SAMMSON: variants seen among roughly 807,000 people sequenced by gnomAD.
SAMMSON encodes the protein long intergenic non-protein coding RNA 1212.
intron 6 of SAMMSON, among the ~76,000 whole-genome samples, chr3:70,260,263 C>T (rs756625331): frequency 3.3e-5 from 5 of 152,164 alleles, no homozygotes; most frequent in Non-Finnish European, 5.9e-5. Context: ...CCTTTGTCAT[C>T]GTACGGCATT....
At chr3:70,186,603 C>A (rs1333669782) in intron 4 of SAMMSON, among the ~76,000 whole-genome samples, 2 of 151,886 alleles carry the variant, frequency 1.3e-5, no homozygotes, top group Non-Finnish European at 2.9e-5. Context: ...TGAAAGGTTA[C>A]CTAATAGTTG....
chr3:70,247,961 A>G (rs1258299438), intron 4 of SAMMSON, among the ~76,000 whole-genome samples: 1 of 152,092 alleles, frequency 6.6e-6, no homozygotes, highest in Non-Finnish European at 1.5e-5. Context: ...TCACAAATAA[A>G]GTAGAATTTA....
At chr3:70,327,248 C>T (rs184958652) in intron 7 of SAMMSON, among the ~76,000 whole-genome samples, 63 of 152,266 alleles carry the variant, frequency 4.1e-4, no homozygotes, top group South Asian at 3.3e-3. Context: ...TAAGAAGAAC[C>T]GATTTGCTTT....
chr3:70,031,221 A>T (rs1188442219), intron 3 of SAMMSON, among the ~76,000 whole-genome samples: 1 of 152,226 alleles, frequency 6.6e-6, no homozygotes, highest in East Asian at 1.9e-4. Flanking sequence ...AAAAGGAATG[A>T]AATTCTGATA....
intron 4 of SAMMSON, among the ~76,000 whole-genome samples, chr3:70,245,883 C>T (rs1239998968): frequency 6.6e-6 from 1 of 151,000 alleles, no homozygotes. Context: ...GCTGCCATTG[C>T]CAATTTAGGA....
At chr3:70,051,194 G>A (rs936607519) in intron 3 of SAMMSON, among the ~76,000 whole-genome samples, 1 of 144,370 alleles carries the variant, frequency 6.9e-6, no homozygotes, top group Non-Finnish European at 1.5e-5. Flanking sequence ...TGTTAGAGAA[G>A]GTAAAATGGG....
At position 70,051,152 on chromosome 3, in the gene SAMMSON, A is replaced by G. The variant is rs1458830689; in HGVS notation, n.418-20324A>G. Among the ~76,000 whole-genome samples, 24 of 146,888 alleles carry G rather than the reference A, an allele frequency of 1.6e-4. No individual in the cohort carries two copies. The South Asian group carries it at 2.2e-3, about 13-fold the overall frequency. The stretch of plus-strand genomic sequence containing the variant: ...TCCATCTCAAAAAAAAAAAAAAAAA[A>G]AAAAAAAAGAAAAAAAAAGAATACA... On this transcript the variant is annotated intron_variant and non_coding_transcript_variant, in intron 3 of 9. Coordinates refer to ENST00000642114, the Ensembl canonical transcript of SAMMSON.
chr3:70,300,522 T>TTA (rs1028691930), intron 7 of SAMMSON, among the ~76,000 whole-genome samples: 4 of 151,804 alleles, frequency 2.6e-5, no homozygotes, highest in Admixed American at 1.3e-4. Context: ...TACATATATA[T>TTA]TATATATATA....
In SAMMSON at chr3:70,073,800, G is replaced by A. The variant is rs374510195; in HGVS notation, n.507+2235G>A. Reference sequence around the variant, plus strand: ...AGTGGTTACAGCCATAGACTTGGAAGGGTGTGACCCAGATTGGAATCCTGG... The same window carrying A: ...AGTGGTTACAGCCATAGACTTGGAAAGGTGTGACCCAGATTGGAATCCTGG... On this transcript the variant is annotated intron_variant and non_coding_transcript_variant, in intron 4 of 9. Coordinates refer to ENST00000642114, the Ensembl canonical transcript of SAMMSON. Among the ~76,000 whole-genome samples, 29 of 152,176 alleles carry A rather than the reference G, an allele frequency of 1.9e-4. No homozygotes were observed. The East Asian group carries it at 4.3e-3, about 22-fold the overall frequency.
At chr3:70,313,925 C>T (rs531326882) in intron 7 of SAMMSON, among the ~76,000 whole-genome samples, 2 of 152,264 alleles carry the variant, frequency 1.3e-5, no homozygotes, top group South Asian at 4.1e-4. Flanking sequence ...TTTAAGATTT[C>T]TTGAAGGTTC....
chr3:70,028,419 T>C (rs867122543), intron 3 of SAMMSON, among the ~76,000 whole-genome samples: 1 of 152,116 alleles, frequency 6.6e-6, no homozygotes, highest in Non-Finnish European at 1.5e-5. Flanking sequence ...ATTCACACAA[T>C]TGCAGCCAGA....
intron 7 of SAMMSON, among the ~76,000 whole-genome samples, chr3:70,350,035 T>A (rs535741601): frequency 8.6e-5 from 13 of 150,604 alleles, no homozygotes; most frequent in African/African-American, 3.1e-4. Context: ...CCACTTAAAC[T>A]TCTTCCTTTT....
intron 2 of SAMMSON, among the ~76,000 whole-genome samples, chr3:70,423,687 G>T (rs183409254): frequency 2.5e-4 from 38 of 152,240 alleles, no homozygotes; most frequent in Admixed American, 9.8e-4. Context: ...AAAAGTATAG[G>T]CTCAGCTGAC....
At chr3:70,189,712 G>A (rs997139018) in intron 4 of SAMMSON, among the ~76,000 whole-genome samples, 2 of 152,140 alleles carry the variant, frequency 1.3e-5, no homozygotes, top group Non-Finnish European at 2.9e-5. Context: ...ACTCACATTT[G>A]ACTTTAATAC....
chr3:70,329,731 T>A (rs1232786262), intron 7 of SAMMSON, among the ~76,000 whole-genome samples: 2 of 151,918 alleles, frequency 1.3e-5, no homozygotes, highest in African/African-American at 2.4e-5. Flanking sequence ...CACAATAGAA[T>A]CTTAAAGATT....
intron 4 of SAMMSON, among the ~76,000 whole-genome samples, chr3:70,129,555 G>A (rs912573023): frequency 6.6e-6 from 1 of 152,146 alleles, no homozygotes; most frequent in Admixed American, 6.6e-5. Flanking sequence ...CAAAGGGATT[G>A]AATCTTATTC....
At chr3:70,223,908 A>C (rs2106738816) in intron 4 of SAMMSON, among the ~76,000 whole-genome samples, 1 of 151,442 alleles carries the variant, frequency 6.6e-6, no homozygotes, top group East Asian at 2.0e-4. Flanking sequence ...CATCAATCTA[A>C]CTTTTGTACT....
intron 2 of SAMMSON, among the ~76,000 whole-genome samples, chr3:70,408,260 G>T (rs893861597): frequency 6.6e-6 from 1 of 152,178 alleles, no homozygotes; most frequent in African/African-American, 2.4e-5. Flanking sequence ...AATGTCTTGG[G>T]GATTAACATT....
At chr3:70,079,170 A>G (rs2067259150) in intron 4 of SAMMSON, among the ~76,000 whole-genome samples, 1 of 152,146 alleles carries the variant, frequency 6.6e-6, no homozygotes. Flanking sequence ...GTGGGGTAAG[A>G]CTGCCTGAGA....
Sources: gnomAD v4.1 joint callset for allele counts (sites outside exome capture counted in the v4.1 genomes callset) on GRCh38, gnomAD v4.1.1 for gene constraint, MANE v1.5 for transcripts, NCBI Gene and HGNC (gene_info 2026-07-23, HGNC 2026-07-21) for gene names.